Variants in PNMA6E observed in about 807,000 individuals in gnomAD.
The protein encoded by PNMA6E is PNMA family member 6E.
For missense variants in PNMA6E, 78 were observed against 50.8 expected (o/e 1.53, Z -1.63); for synonymous variants, 43 against 17.1 (o/e 2.52, Z -3.74).
chrX:153,404,245 G>T (rs937534881), upstream of PNMA6E: 5 of 110,281 alleles, frequency 4.5e-5, no homozygotes, highest in African/African-American at 1.7e-4. Context: ...CTCCCAAAGT[G>T]CTGGGATTAC....
At chrX:153,400,672 A>G (rs1319327510) in intron 1 of PNMA6E, among the ~76,000 whole-genome samples, 1 of 86,025 alleles carries the variant, frequency 1.2e-5, no homozygotes, top group Non-Finnish European at 2.2e-5. Context: ...TCACCCACCC[A>G]GCCCTAGGAC....
chrX:153,410,531 G>C, the PNMA6E span, among the ~76,000 whole-genome samples: 1 of 112,095 alleles, frequency 8.9e-6, no homozygotes, highest in Non-Finnish European at 1.9e-5. Context: ...TGGGCCCCCT[G>C]GGGGCCCTGC....
the PNMA6E span, among the ~76,000 whole-genome samples, chrX:153,409,660 T>C: frequency 1.8e-5 from 2 of 112,603 alleles, no homozygotes; most frequent in Non-Finnish European, 3.8e-5. Context: ...GTGCCAACAA[T>C]GGTGCACACG....
At chrX:153,410,090 G>A in the PNMA6E span, among the ~76,000 whole-genome samples, 1 of 111,202 alleles carries the variant, frequency 9.0e-6, no homozygotes, top group Non-Finnish European at 1.9e-5. Flanking sequence ...CGCTTCCTCC[G>A]GTGGCTCTGG....
intron 1 of PNMA6E, among the ~76,000 whole-genome samples, chrX:153,399,986 A>G (rs782151941): frequency 8.9e-6 from 1 of 112,642 alleles, no homozygotes; most frequent in East Asian, 2.8e-4. Context: ...ATGGATTTCA[A>G]AATATCTAGA....
chrX:153,400,006 T>C (rs782717190), intron 1 of PNMA6E, among the ~76,000 whole-genome samples: 41 of 112,854 alleles, frequency 3.6e-4, no homozygotes, highest in African/African-American at 1.3e-3. Flanking sequence ...ACATATGTTA[T>C]TGTTATTAAT....
At position 153,397,420 on chromosome X, in the gene PNMA6E, C is replaced by T. The variant is rs2088816423; in HGVS notation, c.1430G>A (p.Arg477Lys). 1 of 297,430 alleles carries T rather than the reference C, an allele frequency of 3.4e-6. No individual in the cohort carries two copies. The highest frequency in any genetic ancestry group is 2.7e-5 in the African/African-American group (1 of 36,915). The allele number at this position is 297,430 out of a possible 1,213,427, so 24.5% of individuals were successfully genotyped here. A position where few individuals can be genotyped will look rare whatever the true frequency, so the allele number is the denominator to read the frequency against. ...DTLRGMQLEK[R>K]PPGFLGLLRL... is the part of the protein sequence containing the mutation. ...GAGCAGCCCCAGGAAGCCAGGTGGC[C>T]TCTTCTCCAGCTGCATCCCTCTCAG... Residue 477 changes from arginine to lysine, a missense_variant, in exon 2 of 2, where the codon AGG (arginine) becomes AAG (lysine). Arg to Lys is a conservative substitution (Grantham distance 26). Coordinates refer to ENST00000445091, the MANE Select transcript of PNMA6E (RefSeq NM_001367770.1).
the PNMA6E span, among the ~76,000 whole-genome samples, chrX:153,408,929 G>A: frequency 8.9e-6 from 1 of 112,501 alleles, no homozygotes. Context: ...GCCCCCTTTG[G>A]CCTGGCCTTC....
chrX:153,400,977 C>A (rs1043033991), intron 1 of PNMA6E, among the ~76,000 whole-genome samples: 19 of 110,974 alleles, frequency 1.7e-4, no homozygotes, highest in African/African-American at 4.9e-4. Flanking sequence ...CTCTGGCCAC[C>A]CCGCACTGAG....
chrX:153,396,727 T>G lies in PNMA6E; in HGVS notation c.*179A>C. 1 of 286,816 alleles carries G rather than the reference T, an allele frequency of 3.5e-6. No individual in the cohort carries two copies. Among genetic ancestry groups the G allele is most frequent in the Non-Finnish European group, 6.1e-6 (1 of 163,833 alleles). 23.6% of individuals were successfully genotyped at this position (286,816 alleles called of 1,213,427 possible). A position where few individuals can be genotyped will look rare whatever the true frequency, so the allele number is the denominator to read the frequency against. The stretch of plus-strand genomic sequence containing the variant: ...GGGCGCCTCTCCCCACCCCATTTTG[T>G]ATCAAACGTGGTCATCCGGGTCACA... On this transcript the variant is annotated 3_prime_UTR_variant, in exon 2 of 2. Coordinates refer to ENST00000445091, the MANE Select transcript of PNMA6E (RefSeq NM_001367770.1).
chrX:153,398,250 A>G lies in PNMA6E; in HGVS notation c.600T>C (p.Gly200=), dbSNP rs2088825145. ...CTGCCTCACCTACACCTCCTGCCTC[A>G]CCTGCGCCTCCTGCCTCACCTGCTG... ...GGAAGEAGGA[G]EAGGVGEAGA... Residue 200 remains glycine (G), a synonymous_variant, in exon 2 of 2, where the codon GGT becomes GGC. Transcript: ENST00000445091. The G allele has an allele frequency of 2.4e-6, 1 of 421,201 alleles. No individual in the cohort carries two copies. The highest frequency in any genetic ancestry group is 4.0e-5 in the East Asian group (1 of 25,120). 34.7% of individuals were successfully genotyped at this position (421,201 alleles called of 1,213,427 possible). A position where few individuals can be genotyped will look rare whatever the true frequency, so the allele number is the denominator to read the frequency against.
At chrX:153,401,911 G>A (rs1295952335), upstream of PNMA6E, among the ~76,000 whole-genome samples, 1 of 90,876 alleles carries the variant, frequency 1.1e-5, no homozygotes, top group African/African-American at 4.3e-5. Context: ...TGCAACCTCC[G>A]CCTCCCGGGT....
the PNMA6E span, among the ~76,000 whole-genome samples, chrX:153,411,869 G>C: frequency 1.7e-5 from 1 of 57,497 alleles, no homozygotes; most frequent in Non-Finnish European, 3.2e-5. Flanking sequence ...CCTCGGGGCC[G>C]CCCCGTACCA....
At chrX:153,401,834 AT>A (rs781957165), upstream of PNMA6E, among the ~76,000 whole-genome samples, 747 of 69,575 alleles carry the variant, frequency 0.011, 6 homozygotes, top group African/African-American at 0.04. Context: ...GCCAGGCTGG[AT>A]TTTTTTTTTT....
rs2088810652 is a variant in PNMA6E, at chrX:153,396,802, C to T, written c.*104G>A. 1 of 296,974 alleles carries T rather than the reference C, an allele frequency of 3.4e-6. No homozygotes were observed. The highest frequency in any genetic ancestry group is 5.9e-6 in the Non-Finnish European group (1 of 170,099). The allele number at this position is 296,974 out of a possible 1,213,427, so 24.5% of individuals were successfully genotyped here. On this transcript the variant is annotated 3_prime_UTR_variant, in exon 2 of 2. Transcript: ENST00000445091. The stretch of plus-strand genomic sequence containing the variant: ...GAGCCCCTTGGGGGAGGTGGGGGGC[C>T]CTTACTCCTGAATGTGGGGTGAGGG...
upstream of PNMA6E, among the ~76,000 whole-genome samples, chrX:153,404,617 A>T (rs782262444): frequency 9.9e-4 from 111 of 111,962 alleles, no homozygotes; most frequent in African/African-American, 3.1e-3. Flanking sequence ...CTCCGTTTCC[A>T]CGGTATTGGG....
the PNMA6E span, among the ~76,000 whole-genome samples, chrX:153,409,921 C>T: frequency 2.7e-5 from 3 of 112,406 alleles, no homozygotes; most frequent in African/African-American, 9.7e-5. Context: ...GCAAAGGTCC[C>T]CCCGCCCCCT....
upstream of PNMA6E, among the ~76,000 whole-genome samples, chrX:153,403,032 T>C (rs782511920): frequency 1.4e-4 from 16 of 112,810 alleles, no homozygotes; most frequent in Non-Finnish European, 2.6e-4. Flanking sequence ...GTATTTATCT[T>C]CCTTGGAATT....
At chrX:153,402,595 G>C (rs2088859069), upstream of PNMA6E, among the ~76,000 whole-genome samples, 2 of 111,806 alleles carry the variant, frequency 1.8e-5, no homozygotes, top group Admixed American at 1.9e-4. Flanking sequence ...AACTTATAAA[G>C]ATAAAATAAA....
Sources: gnomAD v4.1 joint callset for allele counts (sites outside exome capture counted in the v4.1 genomes callset) on GRCh38, gnomAD v4.1.1 for gene constraint, MANE v1.5 for transcripts, NCBI Gene and HGNC (gene_info 2026-07-23, HGNC 2026-07-21) for gene names.